ERBB2: variants seen among roughly 807,000 people sequenced by gnomAD.
The protein encoded by ERBB2 is erb-b2 receptor tyrosine kinase 2.
Under a neutral mutation model 149.0 loss-of-function variants are expected in ERBB2, and 61 were observed. The observed-to-expected ratio is 0.41, with a 90% CI of 0.33 to 0.51. ERBB2 has a LOEUF of 0.51. Among genes scored for constraint, ERBB2 ranks in the 20% least tolerant of loss-of-function variants. ERBB2 has a pLI of 0.25. For synonymous variants in ERBB2, 633 were observed against 678.8 expected (o/e 0.93, Z 1.05); for missense variants, 1,205 against 1,655.1 (o/e 0.73, Z 4.72).
rs180794308 is a variant in ERBB2, at chr17:39,724,356, T to G, written c.2307+346T>G. On this transcript the variant is annotated intron_variant, in intron 19 of 26. Coordinates refer to ENST00000269571, the MANE Select transcript of ERBB2 (RefSeq NM_004448.4). ...TGCGGTCTCAGCTCAGCCTCCCAGG[T>G]TAAAGCGATTCTTCTCCCTCAGTCT... is the stretch of plus-strand genomic sequence containing the variant. Among the ~76,000 whole-genome samples, 65 of 145,114 alleles carry G rather than the reference T, an allele frequency of 4.5e-4. 1 individual carries two copies. The East Asian group carries it at 0.013, about 29-fold the overall frequency.
At chr17:39,705,956 A>C (rs1316863567) in intron 1 of ERBB2, among the ~76,000 whole-genome samples, 2 of 152,168 alleles carry the variant, frequency 1.3e-5, no homozygotes, top group Non-Finnish European at 1.5e-5. Flanking sequence ...CAGGTGATTC[A>C]TCTCACCAGA....
chr17:39,702,789 G>T (rs1464832719), intron 1 of ERBB2, among the ~76,000 whole-genome samples: 1 of 152,184 alleles, frequency 6.6e-6, no homozygotes, highest in Non-Finnish European at 1.5e-5. Flanking sequence ...CTCTGTGACA[G>T]TCCTGTGAAG....
At position 39,725,005 on chromosome 17, in the gene ERBB2, C is replaced by T. The variant is rs1348908736; in HGVS notation, c.2494-44C>T. The T allele has an allele frequency of 1.9e-6, 3 of 1,611,878 alleles. No individual in the cohort carries two copies. Among genetic ancestry groups the T allele is most frequent in the East Asian group, 2.2e-5 (1 of 44,846 alleles). On this transcript the variant is annotated intron_variant, in intron 20 of 26. Transcript: ENST00000269571. This position sits in a 1 kb window ranked among gnomAD's most constrained non-coding sequence, Gnocchi z 4.6. Reference sequence around the variant, plus strand: ...GACTCTTGCTGGGCATGTGGCCAGGCCCAGGCCCTCCCAGAAGGTCTACAT... The same window carrying T: ...GACTCTTGCTGGGCATGTGGCCAGGTCCAGGCCCTCCCAGAAGGTCTACAT...
In ERBB2 at chr17:39,727,012, C is replaced by T. The variant is rs2059804462; in HGVS notation, c.3159+9C>T. On this transcript the variant is annotated intron_variant, in intron 25 of 26. Coordinates refer to ENST00000269571, the MANE Select transcript of ERBB2 (RefSeq NM_004448.4). The surrounding 1 kb of genome is among the most constrained non-coding windows in gnomAD (Gnocchi z 4.3). Reference sequence around the variant, plus strand: ...GCAGCTCATCTACCAGGGTCAGTGCCCTCGGTCACACTGTGTGGCTGTCTG... The same window carrying T: ...GCAGCTCATCTACCAGGGTCAGTGCTCTCGGTCACACTGTGTGGCTGTCTG... The T allele has an allele frequency of 1.3e-6, 2 of 1,581,890 alleles. No individual in the cohort carries two copies. Among genetic ancestry groups the T allele is most frequent in the African/African-American group, 1.3e-5 (1 of 74,136 alleles).
At chr17:39,701,574 T>C (rs2058110520) in intron 1 of ERBB2, among the ~76,000 whole-genome samples, 1 of 152,102 alleles carries the variant, frequency 6.6e-6, no homozygotes, top group Non-Finnish European at 1.5e-5. Flanking sequence ...CGTGGCTGTG[T>C]GTTGCCCGAG....
At chr17:39,704,675 T>G (rs1347167076) in intron 1 of ERBB2, among the ~76,000 whole-genome samples, 1 of 152,148 alleles carries the variant, frequency 6.6e-6, no homozygotes, top group Non-Finnish European at 1.5e-5. Flanking sequence ...TCATGTAGGC[T>G]GGTGGGGGTG....
chr17:39,709,705 G>T (rs1199960593), intron 4 of ERBB2, 108 bp from the exon 5 acceptor site: 3 of 1,126,928 alleles, frequency 2.7e-6, no homozygotes, highest in African/African-American at 3.1e-5. Context: ...CCCTTGCTGT[G>T]CAGTTGGCCT....
Position 39,727,704 on chromosome 17 carries a change from C to G in ERBB2, c.3428C>G (p.Pro1143Arg), listed in dbSNP as rs587778269. The change falls in exon 27 of 27, where the codon CCA (proline) becomes CGA (arginine). Residue 1143 changes from proline (P) to arginine (R), a missense_variant. Pro to Arg is a moderately radical substitution (Grantham distance 103, BLOSUM62 -2). Around this residue, in one of 6 missense-constraint regions of ERBB2, gnomAD observed 312 missense variants for 343.8 expected, o/e 0.91. Transcript: ENST00000269571. The surrounding 1 kb of genome is among the most constrained non-coding windows in gnomAD (Gnocchi z 4.3). ...GACCTTTCAGAATATGTGAACCAGC[C>G]AGATGTTCGGCCCCAGCCCCCTTCG... ...CSPQPEYVNQ[P>R]DVRPQPPSPR... 1 of 1,554,740 alleles carries G rather than the reference C, an allele frequency of 6.4e-7. No individual in the cohort carries two copies.
intron 16 of ERBB2, among the ~76,000 whole-genome samples, chr17:39,720,856 G>C (rs962617977): frequency 6.6e-6 from 1 of 152,084 alleles, no homozygotes; most frequent in Non-Finnish European, 1.5e-5. Flanking sequence ...CACCATGTTG[G>C]CCAGGATGGT....
At position 39,723,554 on chromosome 17, in the gene ERBB2, C is replaced by T. The variant is rs1441217225; in HGVS notation, c.2102C>T (p.Thr701Ile). 1 of 1,612,136 alleles carries T rather than the reference C, an allele frequency of 6.2e-7. No individual in the cohort carries two copies. The highest frequency in any genetic ancestry group is 8.5e-7 in the Non-Finnish European group (1 of 1,179,164). Reference protein sequence around the residue: ...LQETELVEPLTPSGAMPNQAQ... With the variant: ...LQETELVEPLIPSGAMPNQAQ... ...TCACCCCAGCTGGTGGAGCCGCTGACACCTAGCGGAGCGATGCCCAACCAG... is the reference window on the plus strand; with the variant it reads ...TCACCCCAGCTGGTGGAGCCGCTGATACCTAGCGGAGCGATGCCCAACCAG... Residue 701 changes from threonine (T) to isoleucine (I), a missense_variant, in exon 18 of 27, where the codon ACA (threonine) becomes ATA (isoleucine). By Grantham distance (89) the Thr-to-Ile change is moderately conservative (BLOSUM62 -1). Transcript: ENST00000269571. The surrounding 1 kb of genome is among the most constrained non-coding windows in gnomAD (Gnocchi z 6.2).
Position 39,727,227 on chromosome 17 carries a change from A to G in ERBB2, c.3160-68A>G, listed in dbSNP as rs2059820754. ...TCTGTTTTTCTCCTGTGACCCTGTC[A>G]CCTTCCATGGAGTCCCCATCCCAGA... is the stretch of plus-strand genomic sequence containing the variant. On this transcript the variant is annotated intron_variant, in intron 25 of 26. Transcript: ENST00000269571. The surrounding 1 kb of genome is among the most constrained non-coding windows in gnomAD (Gnocchi z 4.3). The G allele has an allele frequency of 5.7e-6, 9 of 1,569,750 alleles. No individual in the cohort carries two copies. Among genetic ancestry groups the G allele is most frequent in the Non-Finnish European group, 7.8e-6 (9 of 1,154,580 alleles).
chr17:39,717,570 C>T (rs2145717326), intron 15 of ERBB2, 90 bp downstream of exon 15: 1 of 1,061,072 alleles, frequency 9.4e-7, no homozygotes, highest in Non-Finnish European at 1.3e-6. Context: ...CCAACTCTCC[C>T]TTTGTCATAT....
chr17:39,709,564 C>T, intron 4 of ERBB2, 112 bp downstream of exon 4: 1 of 1,240,258 alleles, frequency 8.1e-7, no homozygotes. Flanking sequence ...GCCTACACCA[C>T]CCATTTCCTC....
chr17:39,697,352 T>TG (rs1263531567), upstream of ERBB2, among the ~76,000 whole-genome samples: 3 of 148,024 alleles, frequency 2.0e-5, no homozygotes, highest in African/African-American at 7.8e-5. Flanking sequence ...TTTTTTTGTT[T>TG]TGTTTTTTTT....
intron 1 of ERBB2, among the ~76,000 whole-genome samples, chr17:39,701,869 G>C (rs1277123054): frequency 6.6e-6 from 1 of 152,184 alleles, no homozygotes; most frequent in Non-Finnish European, 1.5e-5. Context: ...TGCCCTCCCT[G>C]TTTCCCAGAC....
upstream of ERBB2, chr17:39,699,677 T>C: frequency 1.1e-6 from 1 of 873,230 alleles, no homozygotes; most frequent in Non-Finnish European, 1.8e-6. Context: ...CAAATAGGCT[T>C]GGGATGGAGT....
At chr17:39,714,277 C>T (rs534549366) in intron 9 of ERBB2, among the ~76,000 whole-genome samples, 17 of 152,136 alleles carry the variant, frequency 1.1e-4, no homozygotes, top group Non-Finnish European at 1.5e-4. Context: ...CTTTGAGAGC[C>T]GGTCATGACA....
At position 39,725,901 on chromosome 17, in the gene ERBB2, T is replaced by G; in HGVS notation, c.2872+48T>G. ...CTGCCTGGAGGAGGGTGGGAGGTCC[T>G]GGGTGGAGGAGCCCACAAGGGGCAT... On this transcript the variant is annotated intron_variant, in intron 23 of 26. Coordinates refer to ENST00000269571, the MANE Select transcript of ERBB2 (RefSeq NM_004448.4). The surrounding 1 kb of genome is among the most constrained non-coding windows in gnomAD (Gnocchi z 4.6). The G allele has an allele frequency of 6.2e-7, 1 of 1,603,290 alleles. No homozygotes were observed. Among genetic ancestry groups the G allele is most frequent in the Non-Finnish European group, 8.5e-7 (1 of 1,175,090 alleles).
rs751372943 is a variant in ERBB2, at chr17:39,727,739, G to T, written c.3463G>T (p.Gly1155Cys). The T allele has an allele frequency of 2.5e-6, 4 of 1,589,324 alleles. No individual in the cohort carries two copies. The highest frequency in any genetic ancestry group is 3.4e-6 in the Non-Finnish European group (4 of 1,165,808). Residue 1155 changes from glycine to cysteine, a missense_variant, in exon 27 of 27, where the codon GGC becomes TGC. Coordinates refer to ENST00000269571, the MANE Select transcript of ERBB2 (RefSeq NM_004448.4). This position sits in a 1 kb window ranked among gnomAD's most constrained non-coding sequence, Gnocchi z 4.3. ...VRPQPPSPRE[G>C]PLPAARPAGA... ...GCCCCAGCCCCCTTCGCCCCGAGAG[G>T]GCCCTCTGCCTGCTGCCCGACCTGC...
Sources: allele counts gnomAD v4.1 joint callset (sites outside exome capture counted in the v4.1 genomes callset), GRCh38; gene constraint gnomAD v4.1.1; regional missense constraint gnomAD v4.1.1; non-coding constraint Gnocchi (gnomAD v3.1); transcripts MANE v1.5; gene names NCBI Gene and HGNC (gene_info 2026-07-23, HGNC 2026-07-21).